EXOC6B: variants seen among roughly 807,000 people sequenced by gnomAD.
The protein encoded by EXOC6B is SEC15 homolog B.
A neutral mutation model predicts 113.5 loss-of-function variants in EXOC6B; 54 were observed. That is an observed-to-expected ratio of 0.48 (90% CI 0.38 to 0.60). The LOEUF is 0.60. Among genes scored for constraint, EXOC6B ranks in the 20% least tolerant of loss-of-function variants. The probability of loss-of-function intolerance (pLI) is 0.00; values close to 1 mark genes in which losing one functional copy is unlikely to be tolerated. For synonymous variants in EXOC6B, 357 were observed against 339.0 expected, an observed-to-expected ratio of 1.05 and a Z score of -0.58; for missense variants, 797 against 977.5, an observed-to-expected ratio of 0.82 and a Z score of 2.46.
At chr2:72,305,673 T>G (rs1294560783) in intron 20 of EXOC6B, among the ~76,000 whole-genome samples, 1 of 152,128 alleles carries the variant, frequency 6.6e-6, no homozygotes, top group East Asian at 1.9e-4. Context: ...CAGATAATAA[T>G]AGCTACCTCA....
chr2:72,265,545 T>C (rs1263866755), intron 20 of EXOC6B, among the ~76,000 whole-genome samples: 1 of 151,938 alleles, frequency 6.6e-6, no homozygotes, highest in Non-Finnish European at 1.5e-5. Flanking sequence ...AGAATGATGA[T>C]TTCCAATTTC....
intron 1 of EXOC6B, among the ~76,000 whole-genome samples, chr2:72,773,814 G>T (rs1683542419): frequency 2.0e-5 from 3 of 152,134 alleles, no homozygotes; most frequent in African/African-American, 7.2e-5. Flanking sequence ...CGCAGTTTTG[G>T]TTAAAGTATA....
chr2:72,264,531 A>G (rs1683932696), intron 20 of EXOC6B, among the ~76,000 whole-genome samples: 1 of 152,106 alleles, frequency 6.6e-6, no homozygotes, highest in Admixed American at 6.6e-5. Flanking sequence ...AGATCATGCC[A>G]TTGCACTCCA....
chr2:72,259,817 G>A (rs1424333165), intron 20 of EXOC6B, among the ~76,000 whole-genome samples: 1 of 136,294 alleles, frequency 7.3e-6, no homozygotes, highest in Admixed American at 6.8e-5. Flanking sequence ...TTGGGAAGCT[G>A]AGGCAGACAG....
At chr2:72,394,013 T>G (rs1692561328) in intron 18 of EXOC6B, among the ~76,000 whole-genome samples, 2 of 152,172 alleles carry the variant, frequency 1.3e-5, no homozygotes, top group African/African-American at 4.8e-5. Context: ...GACTTTAACC[T>G]TTGTCTCAAT....
At chr2:72,659,501 C>T (rs1404675820) in intron 6 of EXOC6B, among the ~76,000 whole-genome samples, 1 of 151,808 alleles carries the variant, frequency 6.6e-6, no homozygotes, top group Non-Finnish European at 1.5e-5. Flanking sequence ...ATTTTATTTC[C>T]CCAAGTCTAT....
At chr2:72,757,006 A>C (rs1682455927) in intron 1 of EXOC6B, among the ~76,000 whole-genome samples, 1 of 152,182 alleles carries the variant, frequency 6.6e-6, no homozygotes. Flanking sequence ...AAACTAATAC[A>C]ATGTTTAGAT....
At chr2:72,291,851 C>A (rs1035681334) in intron 20 of EXOC6B, among the ~76,000 whole-genome samples, 1 of 152,068 alleles carries the variant, frequency 6.6e-6, no homozygotes, top group South Asian at 2.1e-4. Context: ...TTGAAATATT[C>A]ATAAAAATTT....
At chr2:72,442,208 AT>A (rs1696245113) in intron 18 of EXOC6B, among the ~76,000 whole-genome samples, 3 of 152,214 alleles carry the variant, frequency 2.0e-5, no homozygotes, top group Admixed American at 2.0e-4. Flanking sequence ...ACATCCATTC[AT>A]GTTAAAAACT....
rs1158666660 is a variant in EXOC6B at position 72,495,483 on chromosome 2, T to C, written c.1500A>G (p.Gln500=). ...FSEFVPKVYN[Q]IKEFIYACLK... is the part of the protein sequence containing the mutation. ...GACAAGCGTAGATAAATTCTTTAAT[T>C]TGGTTGTAAACTTTTGGCACAAATT... is the stretch of plus-strand genomic sequence containing the variant. The change falls in exon 15 of 22, where the codon CAA becomes CAG. Residue 500 remains glutamine (Q), a synonymous_variant. Transcript: ENST00000272427. 1 of 1,609,614 alleles carries C rather than the reference T, an allele frequency of 6.2e-7. No individual in the cohort carries two copies. The highest frequency in any genetic ancestry group is 1.7e-5 in the Admixed American group (1 of 59,398).
At chr2:72,516,467 C>T (rs1050349456) in intron 8 of EXOC6B, among the ~76,000 whole-genome samples, 2 of 152,076 alleles carry the variant, frequency 1.3e-5, no homozygotes, top group Non-Finnish European at 2.9e-5. Flanking sequence ...AGGATGGTCT[C>T]GATCTGTTGA....
In EXOC6B at chr2:72,416,331, C is replaced by A. The variant is rs182762669; in HGVS notation, c.1981-36461G>T. ...TCCTTTCCAATTATGGCAATAGACTCGCCAAGTCTCAGATCTTGTGATAAC... is the reference window on the plus strand; with the variant it reads ...TCCTTTCCAATTATGGCAATAGACTAGCCAAGTCTCAGATCTTGTGATAAC... On this transcript the variant is annotated intron_variant, in intron 18 of 21. Coordinates refer to ENST00000272427, the MANE Select transcript of EXOC6B (RefSeq NM_015189.3). Among the ~76,000 whole-genome samples, 19 of 152,188 alleles carry A rather than the reference C, an allele frequency of 1.2e-4. 1 individual carries two copies. The highest frequency in any genetic ancestry group is 4.6e-4 in the African/African-American group (19 of 41,444).
chr2:72,748,211 A>G (rs936595080), intron 1 of EXOC6B, among the ~76,000 whole-genome samples: 1 of 152,088 alleles, frequency 6.6e-6, no homozygotes, highest in Non-Finnish European at 1.5e-5. Context: ...GAAAAATTCC[A>G]GAGTTTATTC....
intron 7 of EXOC6B, among the ~76,000 whole-genome samples, chr2:72,572,418 A>AG (rs747998181): frequency 2.0e-5 from 3 of 152,230 alleles, no homozygotes; most frequent in Admixed American, 2.0e-4. Flanking sequence ...GTTGGGTCCT[A>AG]GGGGTAAAAT....
At chr2:72,628,173 G>A (rs1477448851) in intron 6 of EXOC6B, among the ~76,000 whole-genome samples, 2 of 151,386 alleles carry the variant, frequency 1.3e-5, no homozygotes, top group South Asian at 2.1e-4. Flanking sequence ...CCCCCAGGCT[G>A]GAGTACAGAA....
chr2:72,258,647 G>T (rs1683509451), intron 20 of EXOC6B, among the ~76,000 whole-genome samples: 1 of 151,906 alleles, frequency 6.6e-6, no homozygotes, highest in African/African-American at 2.4e-5. Context: ...TGGGATTACA[G>T]GCATGAGCCA....
At chr2:72,216,973 G>A (rs1406096562) in intron 20 of EXOC6B, among the ~76,000 whole-genome samples, 1 of 149,370 alleles carries the variant, frequency 6.7e-6, no homozygotes, top group Admixed American at 6.7e-5. Flanking sequence ...CCTGGGAGGC[G>A]GAGGTTGCAG....
intron 8 of EXOC6B, among the ~76,000 whole-genome samples, chr2:72,520,935 A>ATTCCCCTTATCCCATACTC (rs1701450148): frequency 1.3e-5 from 2 of 152,006 alleles, no homozygotes; most frequent in East Asian, 3.9e-4. Flanking sequence ...CAATTCCCCA[A>ATTCCCCTTATCCCATACTC]TTCCCCTTAT....
Position 72,499,943 on chromosome 2 carries a change from T to G in EXOC6B, c.1197A>C (p.Leu399Phe), listed in dbSNP as rs1486074159. 2.6e-6 allele frequency: 4 copies of G among 1,553,052 alleles called. No homozygotes were observed. Among genetic ancestry groups the G allele is most frequent in the Non-Finnish European group, 3.5e-6 (4 of 1,147,344 alleles). ...SSYCSDPNLVLDLKNLIVLFA... is the reference protein window; with the variant it reads ...SSYCSDPNLVFDLKNLIVLFA... ...AAAGCACAATGAGGTTCTTCAAATC[T>G]AACACAAGGTTTGGATCAGAACAGT... The change falls in exon 12 of 22, where the codon TTA (leucine) becomes TTC (phenylalanine). Residue 399 changes from leucine to phenylalanine, a missense_variant. Physicochemically the swap from Leu to Phe is conservative, Grantham distance 22. Transcript: ENST00000272427.
Sources: gnomAD v4.1 joint callset for allele counts (sites outside exome capture counted in the v4.1 genomes callset) on GRCh38, gnomAD v4.1.1 for gene constraint, MANE v1.5 for transcripts, NCBI Gene and HGNC (gene_info 2026-07-23, HGNC 2026-07-21) for gene names.